PARD3: variants seen among roughly 807,000 people sequenced by gnomAD.
The protein encoded by PARD3 is par-3 family cell polarity regulator.
Under a neutral mutation model 155.4 loss-of-function variants are expected in PARD3, and 75 were observed. That is an observed-to-expected ratio of 0.48 (90% confidence interval 0.40 to 0.58). The LOEUF (loss-of-function observed/expected upper bound fraction) is 0.58. Among genes scored for constraint, PARD3 ranks in the 20% least tolerant of loss-of-function variants. The pLI, the probability that PARD3 is intolerant of heterozygous loss-of-function variation, is 0.00. For synonymous variants in PARD3, 576 were observed against 610.5 expected, an observed-to-expected ratio of 0.94 and a Z score of 0.83; for missense variants, 1,642 against 1,721.7, an observed-to-expected ratio of 0.95 and a Z score of 0.82.
At chr10:34,207,287 G>C (rs963669366) in intron 22 of PARD3, among the ~76,000 whole-genome samples, 2 of 152,136 alleles carry the variant, frequency 1.3e-5, no homozygotes, top group African/African-American at 4.8e-5. Flanking sequence ...GGGACAAAAA[G>C]GTAACCAAAT....
chr10:34,233,013 GT>G (rs1953013637), intron 22 of PARD3, among the ~76,000 whole-genome samples: 1 of 93,152 alleles, frequency 1.1e-5, no homozygotes, highest in East Asian at 2.4e-4. Context: ...ATCCTCAAAT[GT>G]TAATTTTTTT....
chr10:34,792,885 G>T (rs566576658), intron 1 of PARD3, among the ~76,000 whole-genome samples: 1 of 152,238 alleles, frequency 6.6e-6, no homozygotes, highest in East Asian at 1.9e-4. Context: ...GTAATAACAC[G>T]GTCAAAATTA....
At chr10:34,529,457 C>T (rs2082691816) in intron 2 of PARD3, among the ~76,000 whole-genome samples, 1 of 152,184 alleles carries the variant, frequency 6.6e-6, no homozygotes, top group Non-Finnish European at 1.5e-5. Flanking sequence ...CTAACAAGGA[C>T]ACATGTGCAT....
At chr10:34,404,125 C>A (rs971867895) in intron 5 of PARD3, among the ~76,000 whole-genome samples, 1 of 152,176 alleles carries the variant, frequency 6.6e-6, no homozygotes, top group Admixed American at 6.6e-5. Context: ...CATACAGTGT[C>A]CAGTTTGGAT....
chr10:34,676,026 T>C (rs1014773580), intron 2 of PARD3: 1 of 152,746 alleles, frequency 6.5e-6, no homozygotes, highest in African/African-American at 2.4e-5. Flanking sequence ...CCAGCAGCAA[T>C]GCCCTCCTCA....
chr10:34,184,504 C>CG (rs1288640418), intron 22 of PARD3, among the ~76,000 whole-genome samples: 5 of 151,926 alleles, frequency 3.3e-5, no homozygotes, highest in African/African-American at 4.8e-5. Context: ...ATCCACAAGC[C>CG]GGGGGGTATT....
chr10:34,219,426 T>G (rs1391034288), intron 22 of PARD3, among the ~76,000 whole-genome samples: 1 of 152,202 alleles, frequency 6.6e-6, no homozygotes, highest in Non-Finnish European at 1.5e-5. Context: ...AAGATGCCAT[T>G]AGCTCTTCCA....
chr10:34,346,159 A>C (rs761551197), intron 15 of PARD3: 1 of 1,096,448 alleles, frequency 9.1e-7, no homozygotes, highest in East Asian at 7.2e-5. Context: ...AGTTCAGTAC[A>C]TATCTAGCAG....
At chr10:34,298,317 C>T (rs560408445) in intron 20 of PARD3, among the ~76,000 whole-genome samples, 6 of 152,288 alleles carry the variant, frequency 3.9e-5, no homozygotes, top group South Asian at 2.1e-4. Flanking sequence ...TTAAGACACT[C>T]GCGTTCACAG....
intron 3 of PARD3, among the ~76,000 whole-genome samples, chr10:34,516,169 C>T (rs576453138): frequency 2.0e-4 from 30 of 151,946 alleles, no homozygotes; most frequent in Middle Eastern, 3.4e-3. Flanking sequence ...TTCACCATGT[C>T]GGCCAGGCTG....
chr10:34,207,613 A>G (rs991827232), intron 22 of PARD3, among the ~76,000 whole-genome samples: 2 of 152,224 alleles, frequency 1.3e-5, no homozygotes, highest in Admixed American at 6.5e-5. Context: ...TTTAAGGGTT[A>G]AATGTGTACT....
chr10:34,742,590 C>T (rs1410114481), intron 1 of PARD3, among the ~76,000 whole-genome samples: 2 of 152,108 alleles, frequency 1.3e-5, no homozygotes, highest in Non-Finnish European at 1.5e-5. Flanking sequence ...TTACTCTGAC[C>T]TAAAAAACAG....
intron 22 of PARD3, among the ~76,000 whole-genome samples, chr10:34,214,294 G>A (rs567086450): frequency 2.6e-5 from 4 of 152,198 alleles, no homozygotes; most frequent in African/African-American, 7.2e-5. Flanking sequence ...TGGGTGTTGC[G>A]ATTTCAGAAA....
chr10:34,760,015 A>AAAAC (rs1837239619), intron 1 of PARD3, among the ~76,000 whole-genome samples: 1 of 152,166 alleles, frequency 6.6e-6, no homozygotes, highest in Non-Finnish European at 1.5e-5. Context: ...TCACAATGCC[A>AAAAC]CTAGGTATAT....
Position 34,269,835 on chromosome 10 carries a change from G to C in PARD3, c.3241C>G (p.Gln1081Glu). ...CAGCCAAATGTCCGATGAAAATCTT[G>C]AATTTCAGCATAGTCACGCTCTCGA... ...QARERDYAEI[Q>E]DFHRTFGCDD... Residue 1081 changes from glutamine (Q) to glutamate (E), a missense_variant, in exon 22 of 25, where the codon CAA (glutamine) becomes GAA (glutamate). Coordinates refer to ENST00000374788, the MANE Select transcript of PARD3 (RefSeq NM_001184785.2). The C allele has an allele frequency of 6.2e-7, 1 of 1,613,850 alleles. No individual in the cohort carries two copies. The highest frequency in any genetic ancestry group is 1.1e-5 in the South Asian group (1 of 91,078).
chr10:34,595,531 G>A (rs1001691284), intron 2 of PARD3, among the ~76,000 whole-genome samples: 4 of 152,100 alleles, frequency 2.6e-5, no homozygotes, highest in East Asian at 3.8e-4. Context: ...TTATCCTAAC[G>A]AGTACCCAGT....
intron 1 of PARD3, among the ~76,000 whole-genome samples, chr10:34,768,395 A>G (rs1838399251): frequency 6.6e-6 from 1 of 151,608 alleles, no homozygotes; most frequent in Non-Finnish European, 1.5e-5. Flanking sequence ...CAAAGGCGGG[A>G]CAACTCGAAG....
intron 2 of PARD3, among the ~76,000 whole-genome samples, chr10:34,661,732 C>T (rs1160155506): frequency 2.0e-5 from 3 of 152,174 alleles, no homozygotes; most frequent in Non-Finnish European, 2.9e-5. Flanking sequence ...ATTAAAGAAT[C>T]ACAAAGATCA....
intron 20 of PARD3, among the ~76,000 whole-genome samples, chr10:34,316,774 T>C (rs979384729): frequency 6.6e-6 from 1 of 152,186 alleles, no homozygotes; most frequent in Non-Finnish European, 1.5e-5. Context: ...GCTGCTAAAA[T>C]AGTCTGAAAA....
Sources: gnomAD v4.1 joint callset for allele counts (sites outside exome capture counted in the v4.1 genomes callset) on GRCh38, gnomAD v4.1.1 for gene constraint, MANE v1.5 for transcripts, NCBI Gene and HGNC (gene_info 2026-07-23, HGNC 2026-07-21) for gene names.